KCNK2: variants seen among roughly 807,000 people sequenced by gnomAD.
KCNK2 encodes the protein potassium channel subfamily K member 2.
KCNK2 carries 21 observed loss-of-function variants against 40.5 expected under a neutral mutation model. The observed-to-expected ratio is 0.52, with a 90% CI of 0.37 to 0.75. The LOEUF is 0.75. KCNK2 is among the 30% of genes least tolerant of loss of function. The pLI is 0.00. For synonymous variants in KCNK2, 191 were observed against 202.2 expected (o/e 0.94, Z 0.47); for missense variants, 399 against 531.6 (o/e 0.75, Z 2.45).
Position 215,103,405 on chromosome 1 carries a change from T to G in KCNK2, c.357+16727T>G, listed in dbSNP as rs1296414202. Among the ~76,000 whole-genome samples, 5 of 152,080 alleles carry G rather than the reference T, an allele frequency of 3.3e-5. No homozygotes were observed. The East Asian group carries it at 9.6e-4, about 29-fold the overall frequency. ...TTTATTTCACCTCTAAAATTTATTTTGTATTAAAAATCTTCCACAAGATTG... is the reference window on the plus strand; with the variant it reads ...TTTATTTCACCTCTAAAATTTATTTGGTATTAAAAATCTTCCACAAGATTG... On this transcript the variant is annotated intron_variant, in intron 2 of 6. Coordinates refer to ENST00000444842, the MANE Select transcript of KCNK2 (RefSeq NM_001017425.3).
intron 6 of KCNK2, among the ~76,000 whole-genome samples, chr1:215,200,675 C>T (rs1665046226): frequency 6.6e-6 from 1 of 152,068 alleles, no homozygotes; most frequent in African/African-American, 2.4e-5. Flanking sequence ...TATCCAGATA[C>T]TATCAAACGA....
chr1:215,068,087 C>T lies in KCNK2; in HGVS notation c.35-18281C>T, dbSNP rs1042044023. ...TTAATTTCTTGGAAATGTATCTCCC[C>T]AGCTAGATATCCAACTCTTCAGTAA... On this transcript the variant is annotated intron_variant, in intron 1 of 6. Transcript: ENST00000391895. 7.4e-4 allele frequency among the ~76,000 whole-genome samples: 111 copies of T among 150,932 alleles called. 2 individuals carry two copies. Among genetic ancestry groups the T allele is most frequent in the Admixed American group, 2.0e-4 (3 of 15,116 alleles).
chr1:215,068,589 A>T (rs1658639356), intron 1 of KCNK2, among the ~76,000 whole-genome samples: 2 of 152,150 alleles, frequency 1.3e-5, no homozygotes, highest in South Asian at 4.1e-4. Context: ...ACAAAAATAT[A>T]ATTTATTCTA....
At chr1:215,155,469 T>G (rs919968618) in intron 3 of KCNK2, among the ~76,000 whole-genome samples, 1 of 152,176 alleles carries the variant, frequency 6.6e-6, no homozygotes, top group African/African-American at 2.4e-5. Context: ...GAATTTTTGT[T>G]GCAAAGATAG....
chr1:215,135,839 A>G (rs897782823), intron 3 of KCNK2, among the ~76,000 whole-genome samples: 1 of 152,014 alleles, frequency 6.6e-6, no homozygotes, highest in African/African-American at 2.4e-5. Flanking sequence ...GGTTCAAGCA[A>G]TTCTCCTGCC....
At chr1:215,213,158 T>A (rs970372096) in intron 6 of KCNK2, among the ~76,000 whole-genome samples, 1 of 152,204 alleles carries the variant, frequency 6.6e-6, no homozygotes, top group African/African-American at 2.4e-5. Context: ...GACAATGCTT[T>A]TGTTACTCTG....
chr1:215,126,481 G>T (rs974186519), intron 3 of KCNK2, among the ~76,000 whole-genome samples: 10 of 152,018 alleles, frequency 6.6e-5, no homozygotes, highest in African/African-American at 2.4e-4. Context: ...ACTACTTAGA[G>T]TCTAGAAGAA....
At chr1:215,152,476 C>T (rs1203720410) in intron 3 of KCNK2, among the ~76,000 whole-genome samples, 1 of 152,088 alleles carries the variant, frequency 6.6e-6, no homozygotes, top group Non-Finnish European at 1.5e-5. Context: ...ATGCTGTCTT[C>T]CCTGGTTTTC....
At chr1:215,220,555 A>C (rs1361781030) in intron 6 of KCNK2, among the ~76,000 whole-genome samples, 1 of 152,092 alleles carries the variant, frequency 6.6e-6, no homozygotes, top group Non-Finnish European at 1.5e-5. Flanking sequence ...GCCCTCTCCC[A>C]AAGCAACTGC....
chr1:215,122,992 C>T (rs1661261060), intron 2 of KCNK2, among the ~76,000 whole-genome samples: 1 of 151,952 alleles, frequency 6.6e-6, no homozygotes, highest in African/African-American at 2.4e-5. Flanking sequence ...GATCCACCCG[C>T]CTCGGCCTTC....
intron 3 of KCNK2, among the ~76,000 whole-genome samples, chr1:215,164,395 T>G (rs116516732): frequency 3.0e-4 from 45 of 152,160 alleles, no homozygotes; most frequent in South Asian, 6.2e-4. Flanking sequence ...TTTTGAAGAG[T>G]TTTTTGTGTC....
intron 3 of KCNK2, among the ~76,000 whole-genome samples, chr1:215,167,054 GACTA>G (rs1306347163): frequency 2.0e-5 from 3 of 152,130 alleles, no homozygotes; most frequent in Non-Finnish European, 4.4e-5. Context: ...ACACGGAATT[GACTA>G]ACTGTTTGAG....
At chr1:215,212,182 T>C (rs1213500837) in intron 6 of KCNK2, among the ~76,000 whole-genome samples, 1 of 152,158 alleles carries the variant, frequency 6.6e-6, no homozygotes, top group East Asian at 1.9e-4. Flanking sequence ...ATTCCTGATG[T>C]GATGGTATTA....
intron 6 of KCNK2, among the ~76,000 whole-genome samples, chr1:215,219,769 G>A (rs1461205139): frequency 6.6e-6 from 1 of 152,102 alleles, no homozygotes; most frequent in Non-Finnish European, 1.5e-5. Context: ...ACAGACTCAT[G>A]GGTTTCTGCC....
intron 2 of KCNK2, among the ~76,000 whole-genome samples, chr1:215,121,647 C>G (rs1558100711): frequency 1.3e-5 from 2 of 152,130 alleles, no homozygotes; most frequent in African/African-American, 2.4e-5. Context: ...ATGTGTCTCA[C>G]TTTTTGAGTT....
intron 6 of KCNK2, among the ~76,000 whole-genome samples, chr1:215,199,243 A>T (rs769896254): frequency 1.5e-4 from 23 of 152,110 alleles, no homozygotes; most frequent in Non-Finnish European, 1.5e-5. Flanking sequence ...GGGGAGGCAG[A>T]GGTTCCAGTG....
chr1:215,008,247 C>T (rs975048912), intron 1 of KCNK2, among the ~76,000 whole-genome samples: 10 of 151,962 alleles, frequency 6.6e-5, no homozygotes, highest in African/African-American at 2.4e-4. Flanking sequence ...CTCCCACAAG[C>T]AGGATCAGGA....
chr1:215,059,278 A>G (rs1328403229), intron 1 of KCNK2, among the ~76,000 whole-genome samples: 1 of 152,150 alleles, frequency 6.6e-6, no homozygotes, highest in Non-Finnish European at 1.5e-5. Context: ...TGTGCAGCAT[A>G]TAATCTGAAC....
intron 6 of KCNK2, among the ~76,000 whole-genome samples, chr1:215,198,772 G>T (rs886696793): frequency 6.6e-6 from 1 of 151,828 alleles, no homozygotes; most frequent in Non-Finnish European, 1.5e-5. Flanking sequence ...TTTGATAACT[G>T]GGAATCTTCT....
Sources: gnomAD v4.1 joint callset for allele counts (sites outside exome capture counted in the v4.1 genomes callset) on GRCh38, gnomAD v4.1.1 for gene constraint, MANE v1.5 for transcripts, NCBI Gene and HGNC (gene_info 2026-07-23, HGNC 2026-07-21) for gene names.